Variants in SSBP2 observed in about 807,000 individuals in gnomAD.
SSBP2 encodes single stranded DNA binding protein 2.
SSBP2 carries 17 observed loss-of-function variants against 61.8 expected under a neutral mutation model. That is an observed-to-expected ratio of 0.28 (90% CI 0.19 to 0.41). The LOEUF is 0.41. SSBP2 is among the 10% of genes least tolerant of loss of function. The pLI, the probability that SSBP2 is intolerant of heterozygous loss-of-function variation, is 1.00. For missense variants in SSBP2, 310 were observed against 458.7 expected (o/e 0.68, Z 2.96); for synonymous variants, 139 against 141.3 (o/e 0.98, Z 0.12).
chr5:81,500,529 C>T (rs1227297608), intron 5 of SSBP2, among the ~76,000 whole-genome samples: 11 of 152,226 alleles, frequency 7.2e-5, no homozygotes, highest in East Asian at 5.8e-4. Context: ...GACACAATCT[C>T]GGCTCACTGC....
intron 15 of SSBP2, among the ~76,000 whole-genome samples, chr5:81,433,630 C>T (rs1331491788): frequency 6.6e-6 from 1 of 150,846 alleles, no homozygotes; most frequent in Non-Finnish European, 1.5e-5. Flanking sequence ...AAACCATATA[C>T]TTCTCTCTAC....
At chr5:81,749,605 G>A (rs1170546776) in intron 1 of SSBP2, among the ~76,000 whole-genome samples, 1 of 151,850 alleles carries the variant, frequency 6.6e-6, no homozygotes, top group Admixed American at 6.6e-5. Flanking sequence ...TCAACGACAA[G>A]GATAACTCTG....
At chr5:81,548,749 C>T (rs924023038) in intron 4 of SSBP2, among the ~76,000 whole-genome samples, 5 of 152,044 alleles carry the variant, frequency 3.3e-5, no homozygotes, top group Admixed American at 6.6e-5. Context: ...AGTGAAATCC[C>T]GTCTCTACTA....
chr5:81,742,922 T>C (rs1345802048), intron 1 of SSBP2, among the ~76,000 whole-genome samples: 1 of 152,000 alleles, frequency 6.6e-6, no homozygotes, highest in African/African-American at 2.4e-5. Flanking sequence ...ATAATAAATA[T>C]GAAAAAGAAA....
intron 5 of SSBP2, among the ~76,000 whole-genome samples, chr5:81,496,602 A>C (rs1182252894): frequency 6.6e-6 from 1 of 152,216 alleles, no homozygotes; most frequent in Non-Finnish European, 1.5e-5. Flanking sequence ...AAAATTGCTC[A>C]CTTGAAGTTT....
chr5:81,531,229 G>GA (rs71000841), intron 4 of SSBP2, among the ~76,000 whole-genome samples: 39,077 of 117,904 alleles, frequency 0.33, 6,519 homozygotes, highest in African/African-American at 0.51. Flanking sequence ...ACCCTGTCTG[G>GA]AAAAAAAAAA....
chr5:81,489,843 A>T (rs1477262623), intron 5 of SSBP2, among the ~76,000 whole-genome samples: 1 of 152,056 alleles, frequency 6.6e-6, no homozygotes, highest in Non-Finnish European at 1.5e-5. Flanking sequence ...TTTCCTCATC[A>T]TGGGTTTCTT....
chr5:81,600,347 G>T (rs1158474826), intron 4 of SSBP2, among the ~76,000 whole-genome samples: 1 of 151,984 alleles, frequency 6.6e-6, no homozygotes, highest in Non-Finnish European at 1.5e-5. Flanking sequence ...CAGATCATGA[G>T]GTCAGGAGTT....
At chr5:81,600,023 C>A (rs1161397205) in intron 4 of SSBP2, among the ~76,000 whole-genome samples, 1 of 152,168 alleles carries the variant, frequency 6.6e-6, no homozygotes, top group African/African-American at 2.4e-5. Flanking sequence ...CTCTTTGACA[C>A]CTAGGCTTGT....
chr5:81,647,467 T>C (rs898481577), intron 2 of SSBP2, among the ~76,000 whole-genome samples: 13 of 152,110 alleles, frequency 8.5e-5, no homozygotes, highest in Non-Finnish European at 1.8e-4. Context: ...TTTTACATTA[T>C]TAAAAACTTA....
chr5:81,513,265 T>G (rs1474949253), intron 5 of SSBP2, among the ~76,000 whole-genome samples: 1 of 152,108 alleles, frequency 6.6e-6, no homozygotes, highest in Non-Finnish European at 1.5e-5. Context: ...TACAGCCAAA[T>G]CTTAATCATC....
intron 1 of SSBP2, among the ~76,000 whole-genome samples, chr5:81,744,609 T>C (rs1018416224): frequency 6.8e-6 from 1 of 147,038 alleles, no homozygotes; most frequent in African/African-American, 2.5e-5. Context: ...TATTTAAAAC[T>C]AGAAAAAAAA....
chr5:81,444,090 T>C (rs1026051878), intron 12 of SSBP2, among the ~76,000 whole-genome samples: 5 of 152,212 alleles, frequency 3.3e-5, no homozygotes, highest in African/African-American at 1.2e-4. Context: ...GACCCATAAA[T>C]CTAAATACTG....
chr5:81,586,554 AGTTCT>A (rs1775066719), intron 4 of SSBP2, among the ~76,000 whole-genome samples: 1 of 151,274 alleles, frequency 6.6e-6, no homozygotes, highest in South Asian at 2.1e-4. Context: ...GAAACATTCC[AGTTCT>A]GTATTGATTC....
At chr5:81,472,832 C>T (rs1170459462) in intron 8 of SSBP2, among the ~76,000 whole-genome samples, 3 of 152,182 alleles carry the variant, frequency 2.0e-5, no homozygotes, top group South Asian at 2.1e-4. Flanking sequence ...AACTCCTGAC[C>T]TCAAGTGATC....
intron 6 of SSBP2, among the ~76,000 whole-genome samples, chr5:81,484,227 A>G (rs772982728): frequency 3.3e-5 from 5 of 152,206 alleles, no homozygotes; most frequent in Non-Finnish European, 7.3e-5. Flanking sequence ...CAAAAATGGT[A>G]TATCTATGAC....
chr5:81,600,591 AAAG>A (rs1194188900), intron 4 of SSBP2, among the ~76,000 whole-genome samples: 2 of 151,152 alleles, frequency 1.3e-5, no homozygotes, highest in Admixed American at 6.6e-5. Context: ...CAAAAACCAG[AAAG>A]AAAAGAAAAT....
chr5:81,741,496 T>C (rs1757022601), intron 1 of SSBP2, among the ~76,000 whole-genome samples: 1 of 152,180 alleles, frequency 6.6e-6, no homozygotes, highest in South Asian at 2.1e-4. Flanking sequence ...TTAGGTTATA[T>C]ATATATTACC....
chr5:81,704,795 CAAAAAAAA>C (rs34376110), intron 1 of SSBP2, among the ~76,000 whole-genome samples: 2 of 51,992 alleles, frequency 3.8e-5, no homozygotes, highest in Admixed American at 2.9e-4. Context: ...GATTCCATCT[CAAAAAAAA>C]AAAAAAAAAA....
Sources: gnomAD v4.1 joint callset for allele counts (sites outside exome capture counted in the v4.1 genomes callset) on GRCh38, gnomAD v4.1.1 for gene constraint, MANE v1.5 for transcripts, NCBI Gene and HGNC (gene_info 2026-07-23, HGNC 2026-07-21) for gene names.